TRIO: variants seen among roughly 807,000 people sequenced by gnomAD.
TRIO encodes trio Rho guanine nucleotide exchange factor, also known as triple functional domain protein.
TRIO carries 58 observed loss-of-function variants against 351.9 expected under a neutral mutation model. That is an observed-to-expected ratio of 0.16 (90% CI 0.13 to 0.21). The LOEUF (loss-of-function observed/expected upper bound fraction) is 0.21. Ranked by LOEUF, TRIO falls within the 10% of genes least tolerant of loss-of-function variation. TRIO has a pLI of 1.00. For synonymous variants in TRIO, 1,758 were observed against 1,595.7 expected, an observed-to-expected ratio of 1.10 and a Z score of -2.42; for missense variants, 3,201 against 4,027.8, an observed-to-expected ratio of 0.79 and a Z score of 5.56.
chr5:14,352,914 G>A (rs13160659), intron 11 of TRIO, among the ~76,000 whole-genome samples: 2,640 of 151,842 alleles, frequency 0.017, 34 homozygotes, highest in South Asian at 0.038. Context: ...CTACCAGGTG[G>A]AAGGGAAAAC....
intron 48 of TRIO, chr5:14,489,254 A>G (rs763232063): frequency 2.0e-6 from 1 of 488,604 alleles, no homozygotes; most frequent in Non-Finnish European, 3.6e-6. Flanking sequence ...ATCCTTTCCT[A>G]CTATTTTTTG....
At chr5:14,464,720 A>G (rs1037347951) in intron 36 of TRIO, among the ~76,000 whole-genome samples, 1 of 152,258 alleles carries the variant, frequency 6.6e-6, no homozygotes, top group Admixed American at 6.5e-5. Flanking sequence ...ACGCATGGCC[A>G]GGACAGCCCG....
chr5:14,355,778 G>C (rs1411935958), intron 11 of TRIO, among the ~76,000 whole-genome samples: 3 of 152,230 alleles, frequency 2.0e-5, no homozygotes, highest in Non-Finnish European at 4.4e-5. Flanking sequence ...AGATGGTGCA[G>C]AGCATCAGTT....
rs141988645 is a variant in TRIO at position 14,467,037 on chromosome 5, A to G, written c.5763+1397A>G. Among the ~76,000 whole-genome samples, 13 of 152,358 alleles carry G rather than the reference A, an allele frequency of 8.5e-5. No individual in the cohort carries two copies. In the East Asian group the frequency reaches 2.1e-3, roughly 25 times the overall value. ...GCACTATTGTTATCCCATTTTACAG[A>G]TAAGGAAATTGAGGCACACAGAACA... On this transcript the variant is annotated intron_variant, in intron 37 of 56. Transcript: ENST00000344204.
chr5:14,364,871 A>T, intron 15 of TRIO, 55 bp downstream of exon 15: 1 of 1,539,062 alleles, frequency 6.5e-7, no homozygotes, highest in Non-Finnish European at 8.7e-7. Context: ...TTGATACCTC[A>T]TCGACTTCCC....
chr5:14,274,737 G>T (rs2152272306), intron 2 of TRIO, among the ~76,000 whole-genome samples: 1 of 152,188 alleles, frequency 6.6e-6, no homozygotes, highest in South Asian at 2.1e-4. Context: ...CCCCAATAAA[G>T]ACTTATTTCA....
At chr5:14,481,693 A>G in intron 45 of TRIO, 75 bp downstream of exon 45, 1 of 1,467,018 alleles carries the variant, frequency 6.8e-7, no homozygotes, top group Non-Finnish European at 9.5e-7. Context: ...ATTTCTCTCC[A>G]CATAGAGAAA....
intron 11 of TRIO, among the ~76,000 whole-genome samples, chr5:14,357,094 C>A (rs566494680): frequency 6.6e-6 from 1 of 152,288 alleles, no homozygotes; most frequent in South Asian, 2.1e-4. Flanking sequence ...GTCAGTTAGT[C>A]CTCAGTAAAG....
intron 1 of TRIO, among the ~76,000 whole-genome samples, chr5:14,258,791 G>A (rs530213957): frequency 2.0e-5 from 3 of 152,198 alleles, no homozygotes; most frequent in Non-Finnish European, 4.4e-5. Flanking sequence ...AGTGGCCCAG[G>A]GGGATAATGA....
intron 1 of TRIO, among the ~76,000 whole-genome samples, chr5:14,269,664 G>C (rs1795874695): frequency 6.6e-6 from 1 of 152,212 alleles, no homozygotes; most frequent in African/African-American, 2.4e-5. Context: ...TGCCTGGAGA[G>C]AGTCGTTTTT....
intron 6 of TRIO, 81 bp from the exon 7 acceptor site, chr5:14,296,991 C>T: frequency 8.1e-7 from 1 of 1,236,448 alleles, no homozygotes; most frequent in Non-Finnish European, 1.1e-6. Context: ...TGTGTTTCAG[C>T]AGGTGGCATC....
chr5:14,403,819 G>T (rs1748442014), intron 31 of TRIO, among the ~76,000 whole-genome samples: 1 of 52,898 alleles, frequency 1.9e-5, no homozygotes, highest in Non-Finnish European at 3.5e-5. Flanking sequence ...TGCAGGTTGT[G>T]AGGGTGCAGG....
At chr5:14,398,786 T>C in intron 29 of TRIO, 94 bp from the exon 30 acceptor site, 1 of 1,294,446 alleles carries the variant, frequency 7.7e-7, no homozygotes, top group South Asian at 1.5e-5. Context: ...CGATGGGCAT[T>C]TTTAAAATTG....
intron 8 of TRIO, among the ~76,000 whole-genome samples, chr5:14,311,229 A>G (rs1738900869): frequency 6.6e-6 from 1 of 152,200 alleles, no homozygotes; most frequent in Non-Finnish European, 1.5e-5. Context: ...GACTCACGCC[A>G]ACTGGGCTGC....
intron 1 of TRIO, among the ~76,000 whole-genome samples, chr5:14,158,003 T>A (rs1788220004): frequency 6.6e-6 from 1 of 152,182 alleles, no homozygotes; most frequent in Admixed American, 6.5e-5. Context: ...CTCATGCTTG[T>A]TAGATTGTGT....
chr5:14,498,833 G>A lies in TRIO; in HGVS notation c.8332+193G>A, dbSNP rs760541572. ...GGATGTCACAGGAGAGTGACCTCTC[G>A]GCACCTTATGTAAAGTCGGGGGAGA... is the stretch of plus-strand genomic sequence containing the variant. On this transcript the variant is annotated intron_variant, in intron 53 of 56. Transcript: ENST00000344204. 2.7e-4 allele frequency: 203 copies of A among 742,886 alleles called. 1 individual carries two copies. Among genetic ancestry groups the A allele is most frequent in the Non-Finnish European group, 3.7e-4 (182 of 493,270 alleles). The allele number at this position is 742,886 out of a possible 1,614,324, so 46.0% of individuals were successfully genotyped here.
At chr5:14,190,291 G>A (rs1217524424) in intron 1 of TRIO, among the ~76,000 whole-genome samples, 1 of 152,122 alleles carries the variant, frequency 6.6e-6, no homozygotes, top group Non-Finnish European at 1.5e-5. Flanking sequence ...CATTCAGTGA[G>A]TCAGGAGTCT....
At chr5:14,337,209 A>G (rs1741498873) in intron 11 of TRIO, among the ~76,000 whole-genome samples, 1 of 152,214 alleles carries the variant, frequency 6.6e-6, no homozygotes, top group Non-Finnish European at 1.5e-5. Flanking sequence ...ATAGGCATGC[A>G]CCTGTTAATC....
At chr5:14,204,932 A>G (rs1000608854) in intron 1 of TRIO, among the ~76,000 whole-genome samples, 11 of 152,158 alleles carry the variant, frequency 7.2e-5, no homozygotes, top group Admixed American at 6.5e-4. Flanking sequence ...TTTAGTAATA[A>G]TATTAGTCAG....
Sources: gnomAD v4.1 joint callset for allele counts (sites outside exome capture counted in the v4.1 genomes callset) on GRCh38, gnomAD v4.1.1 for gene constraint, MANE v1.5 for transcripts, NCBI Gene and HGNC (gene_info 2026-07-23, HGNC 2026-07-21) for gene names.